Variants in ASAP1 observed in about 807,000 individuals in gnomAD.
The protein encoded by ASAP1 is ArfGAP with SH3 domain, ankyrin repeat and PH domain 1.
In ASAP1, 43 loss-of-function variants were observed where a neutral mutation model predicts 145.2. That is an observed-to-expected ratio of 0.30 (90% CI 0.23 to 0.38). The LOEUF is 0.38. Ranked by LOEUF, ASAP1 falls within the 10% of genes least tolerant of loss-of-function variation. The pLI is 1.00. For synonymous variants in ASAP1, 546 were observed against 515.5 expected (o/e 1.06, Z -0.80); for missense variants, 1,018 against 1,355.3 (o/e 0.75, Z 3.91).
At chr8:130,101,774 G>C (rs1376132734) in intron 24 of ASAP1, among the ~76,000 whole-genome samples, 1 of 97,246 alleles carries the variant, frequency 1.0e-5, no homozygotes, top group African/African-American at 4.5e-5. Flanking sequence ...GTTTCACCAT[G>C]TTGCCCAGGC....
chr8:130,304,269 C>T (rs540813130), intron 3 of ASAP1, among the ~76,000 whole-genome samples: 16 of 150,964 alleles, frequency 1.1e-4, no homozygotes, highest in Middle Eastern at 3.4e-3. Context: ...TTATACTGCC[C>T]GGAAAAGAAC....
At chr8:130,443,361 G>A (rs549252439) in intron 1 of ASAP1, 99 bp downstream of exon 1, 2 of 151,686 alleles carry the variant, frequency 1.3e-5, no homozygotes, top group African/African-American at 2.4e-5. Flanking sequence ...GCCCCGTCCC[G>A]GCGCCCTTCT....
intron 27 of ASAP1, among the ~76,000 whole-genome samples, chr8:130,072,508 G>A (rs910385247): frequency 1.4e-5 from 2 of 140,744 alleles, no homozygotes; most frequent in African/African-American, 5.1e-5. Context: ...ACATGGAACT[G>A]TGAGTCCATT....
intron 24 of ASAP1, among the ~76,000 whole-genome samples, chr8:130,099,397 G>A (rs1182651097): frequency 1.3e-5 from 2 of 151,960 alleles, no homozygotes; most frequent in African/African-American, 4.8e-5. Flanking sequence ...AGCCAGGATG[G>A]TCTCGATCTC....
At chr8:130,210,411 A>T (rs1423404019) in intron 5 of ASAP1, among the ~76,000 whole-genome samples, 3 of 152,220 alleles carry the variant, frequency 2.0e-5, no homozygotes, top group African/African-American at 7.2e-5. Flanking sequence ...ATATGAATAG[A>T]AGTAGTCCAC....
intron 3 of ASAP1, among the ~76,000 whole-genome samples, chr8:130,285,917 C>T (rs928324535): frequency 6.6e-6 from 1 of 152,038 alleles, no homozygotes; most frequent in African/African-American, 2.4e-5. Flanking sequence ...CAAGGCTTTA[C>T]TGGAACAGAT....
intron 14 of ASAP1, 45 bp downstream of exon 14, chr8:130,136,906 G>A (rs1291432021): frequency 6.6e-7 from 1 of 1,516,558 alleles, no homozygotes; most frequent in African/African-American, 1.4e-5. Flanking sequence ...ATGTGCAGGT[G>A]TCAGAAGCCA....
At chr8:130,076,810 G>A (rs1310372087) in intron 26 of ASAP1, among the ~76,000 whole-genome samples, 2 of 152,182 alleles carry the variant, frequency 1.3e-5, no homozygotes, top group African/African-American at 4.8e-5. Context: ...ATGAGCCACT[G>A]TGCCCAGCCT....
At chr8:130,262,410 AAAAAAAAGAGAGAGAGAG>A (rs1819964847) in intron 3 of ASAP1, among the ~76,000 whole-genome samples, 1 of 109,414 alleles carries the variant, frequency 9.1e-6, no homozygotes, top group African/African-American at 3.8e-5. Context: ...AAAAAAAAAA[AAAAAAAAGAGAGAGAGAG>A]AGAGAGAGAG....
intron 4 of ASAP1, among the ~76,000 whole-genome samples, chr8:130,221,194 G>A (rs775125630): frequency 4.6e-5 from 7 of 151,956 alleles, no homozygotes; most frequent in Non-Finnish European, 7.4e-5. Context: ...TGATAGTGCC[G>A]CTACTCTCCA....
chr8:130,160,716 G>A lies in ASAP1; in HGVS notation c.910-752C>T. The A allele has an allele frequency of 2.9e-6, 3 of 1,039,758 alleles. No homozygotes were observed. In the South Asian group the frequency reaches 4.4e-5, roughly 15 times the overall value. The allele number at this position is 1,039,758 out of a possible 1,614,324, so 64.4% of individuals were successfully genotyped here. A position where few individuals can be genotyped will look rare whatever the true frequency, so the allele number is the denominator to read the frequency against. On this transcript the variant is annotated intron_variant, in intron 11 of 29. Coordinates refer to ENST00000518721, the MANE Select transcript of ASAP1 (RefSeq NM_018482.4). ...GAAATAAAATCAACAACGTTGAACT[G>A]CAGAACGAGAACATGGTCTTTAGAC...
At chr8:130,157,002 A>C (rs2097659392) in intron 12 of ASAP1, among the ~76,000 whole-genome samples, 1 of 152,214 alleles carries the variant, frequency 6.6e-6, no homozygotes, top group Non-Finnish European at 1.5e-5. Context: ...CTTTTGCTTC[A>C]ATAGATATGT....
intron 1 of ASAP1, among the ~76,000 whole-genome samples, chr8:130,435,490 T>C (rs1007956694): frequency 1.3e-5 from 2 of 152,384 alleles, no homozygotes; most frequent in Admixed American, 1.3e-4. Flanking sequence ...ACTCAGTAAG[T>C]GCTTGCTGAT....
At chr8:130,257,615 T>C (rs919731721) in intron 3 of ASAP1, among the ~76,000 whole-genome samples, 1 of 152,180 alleles carries the variant, frequency 6.6e-6, no homozygotes, top group African/African-American at 2.4e-5. Context: ...GCCCAATTAA[T>C]GCTGTTGCGA....
chr8:130,262,417 AGAGAG>A lies in ASAP1; in HGVS notation c.187-25428_187-25424del, dbSNP rs1274428868. Among the ~76,000 whole-genome samples the A allele has an allele frequency of 4.9e-3, 162 of 32,950 alleles. 2 individuals carry two copies. Among genetic ancestry groups the A allele is most frequent in the Admixed American group, 0.01 (22 of 2,126 alleles). The allele number at this position is 32,950 out of a possible 152,430, so 21.6% of individuals were successfully genotyped here. On this transcript the variant is annotated intron_variant, in intron 3 of 29. Coordinates refer to ENST00000518721, the MANE Select transcript of ASAP1 (RefSeq NM_018482.4). ...CAAAAAAAAAAAAAAAAAAAAAAAAAGAGAGAGAGAGAGAGAGAGAGAGAGAGAGA... is the reference window on the plus strand; with the variant it reads ...CAAAAAAAAAAAAAAAAAAAAAAAAAAGAGAGAGAGAGAGAGAGAGAGAGA...
At chr8:130,441,164 T>C (rs1830476002) in intron 1 of ASAP1, among the ~76,000 whole-genome samples, 1 of 152,216 alleles carries the variant, frequency 6.6e-6, no homozygotes, top group African/African-American at 2.4e-5. Context: ...AGGGTCCTAT[T>C]CATCTTTGCA....
Position 130,320,129 on chromosome 8 carries a change from G to A in ASAP1, c.186+37888C>T, listed in dbSNP as rs188648636. ...TCTTTAAAAAATAAAATAAAAAAGG[G>A]AAATTACTTTCATAATCAGAAAAGT... On this transcript the variant is annotated intron_variant, in intron 3 of 29. Transcript: ENST00000518721. Among the ~76,000 whole-genome samples the A allele has an allele frequency of 1.7e-3, 255 of 152,220 alleles. 1 individual carries two copies. The highest frequency in any genetic ancestry group is 0.015 in the Admixed American group (228 of 15,290).
intron 3 of ASAP1, among the ~76,000 whole-genome samples, chr8:130,333,069 C>T (rs72724449): frequency 0.035 from 5,286 of 152,118 alleles, 124 homozygotes; most frequent in Middle Eastern, 0.065. Flanking sequence ...GAGGCGAAAC[C>T]GTGTCATGCT....
chr8:130,386,131 G>T (rs961301581), intron 2 of ASAP1, among the ~76,000 whole-genome samples: 1 of 152,176 alleles, frequency 6.6e-6, no homozygotes, highest in Non-Finnish European at 1.5e-5. Context: ...GATGCTTCTG[G>T]AAACCATACT....
Sources: gnomAD v4.1 joint callset for allele counts (sites outside exome capture counted in the v4.1 genomes callset) on GRCh38, gnomAD v4.1.1 for gene constraint, MANE v1.5 for transcripts, NCBI Gene and HGNC (gene_info 2026-07-23, HGNC 2026-07-21) for gene names.